Variants in DPP10 observed in about 807,000 individuals in gnomAD.
DPP10 encodes the protein dipeptidyl peptidase like 10.
Under a neutral mutation model 120.9 loss-of-function variants are expected in DPP10, and 33 were observed. The ratio of observed to expected loss-of-function variants is 0.27; its 90% CI spans 0.21 to 0.37. The LOEUF is 0.37. DPP10 is among the 10% of genes least tolerant of loss of function. The pLI is 1.00. For missense variants in DPP10, 816 were observed against 942.8 expected, an observed-to-expected ratio of 0.87 and a Z score of 1.76; for synonymous variants, 337 against 326.1, an observed-to-expected ratio of 1.03 and a Z score of -0.36.
intron 1 of DPP10, among the ~76,000 whole-genome samples, chr2:114,697,337 C>T (rs1700125473): frequency 6.6e-6 from 1 of 152,002 alleles, no homozygotes; most frequent in African/African-American, 2.4e-5. Flanking sequence ...ATGCATCAGA[C>T]AAGGGAAAGT....
chr2:115,065,355 C>T (rs1422838646), intron 1 of DPP10, among the ~76,000 whole-genome samples: 1 of 152,150 alleles, frequency 6.6e-6, no homozygotes, highest in Non-Finnish European at 1.5e-5. Context: ...GGAGTCATGG[C>T]CCATCTGTTC....
intron 1 of DPP10, among the ~76,000 whole-genome samples, chr2:114,662,485 G>C (rs1258988420): frequency 6.6e-6 from 1 of 152,156 alleles, no homozygotes; most frequent in Non-Finnish European, 1.5e-5. Context: ...GCGGGACGCA[G>C]ACAACTTGAA....
chr2:115,475,523 G>A (rs893192545), intron 3 of DPP10, among the ~76,000 whole-genome samples: 4 of 152,218 alleles, frequency 2.6e-5, no homozygotes, highest in Non-Finnish European at 4.4e-5. Flanking sequence ...GGGAACATGT[G>A]GGGTTGGAGT....
intron 1 of DPP10, among the ~76,000 whole-genome samples, chr2:114,693,527 G>C (rs1378253490): frequency 6.6e-6 from 1 of 151,468 alleles, no homozygotes; most frequent in Non-Finnish European, 1.5e-5. Context: ...CTTTCATTTC[G>C]ATTTTGGAGA....
At chr2:115,772,453 C>A (rs1308276631) in intron 13 of DPP10, among the ~76,000 whole-genome samples, 1 of 151,980 alleles carries the variant, frequency 6.6e-6, no homozygotes, top group East Asian at 1.9e-4. Flanking sequence ...TATATGAAAG[C>A]AAAATTTGTG....
intron 1 of DPP10, among the ~76,000 whole-genome samples, chr2:115,257,973 T>C (rs1449462663): frequency 6.6e-6 from 1 of 152,204 alleles, no homozygotes; most frequent in Non-Finnish European, 1.5e-5. Flanking sequence ...AGAATTCCAC[T>C]TGCAATTAAA....
chr2:115,446,912 C>G (rs572615032), intron 3 of DPP10, among the ~76,000 whole-genome samples: 1 of 152,070 alleles, frequency 6.6e-6, no homozygotes, highest in African/African-American at 2.4e-5. Flanking sequence ...TTGAAATGCA[C>G]GAGGTTAGAA....
chr2:114,646,564 C>T (rs768845909), intron 1 of DPP10, among the ~76,000 whole-genome samples: 6 of 152,040 alleles, frequency 3.9e-5, no homozygotes, highest in South Asian at 2.1e-4. Flanking sequence ...ACTCTGTTCT[C>T]GAGATGACAG....
chr2:115,121,232 T>C (rs905554929), intron 1 of DPP10, among the ~76,000 whole-genome samples: 2 of 152,248 alleles, frequency 1.3e-5, no homozygotes, highest in Non-Finnish European at 1.5e-5. Flanking sequence ...TACCTGGTAC[T>C]TATGTAAGAA....
intron 1 of DPP10, among the ~76,000 whole-genome samples, chr2:114,483,034 G>A (rs1681196475): frequency 1.3e-5 from 2 of 152,136 alleles, no homozygotes; most frequent in Admixed American, 6.6e-5. Context: ...GTTAAACAAT[G>A]TTTGGACTCG....
chr2:115,318,181 C>T (rs566365981), intron 2 of DPP10, among the ~76,000 whole-genome samples: 3 of 152,150 alleles, frequency 2.0e-5, no homozygotes, highest in East Asian at 1.9e-4. Flanking sequence ...TCACCCAGCA[C>T]CATTTATTGA....
At chr2:114,541,726 A>G (rs567047135) in intron 1 of DPP10, among the ~76,000 whole-genome samples, 11 of 152,338 alleles carry the variant, frequency 7.2e-5, no homozygotes, top group African/African-American at 2.2e-4. Context: ...TTTTTTTCCT[A>G]TAAAATTATT....
chr2:115,467,556 G>A (rs2074407971), intron 3 of DPP10, among the ~76,000 whole-genome samples: 1 of 151,714 alleles, frequency 6.6e-6, no homozygotes, highest in Non-Finnish European at 1.5e-5. Context: ...CAGCCTAGGT[G>A]CCAAAACGAG....
intron 1 of DPP10, among the ~76,000 whole-genome samples, chr2:115,279,853 G>C (rs1404342449): frequency 6.6e-6 from 1 of 150,842 alleles, no homozygotes; most frequent in Non-Finnish European, 1.5e-5. Context: ...GTAGCGACAG[G>C]GTTTCACCAT....
chr2:114,483,059 C>G (rs1352822427), intron 1 of DPP10, among the ~76,000 whole-genome samples: 1 of 152,084 alleles, frequency 6.6e-6, no homozygotes, highest in African/African-American at 2.4e-5. Flanking sequence ...TCCATTTTCT[C>G]AAGTAGCTGT....
chr2:115,167,205 A>C (rs1367738932), intron 1 of DPP10, among the ~76,000 whole-genome samples: 1 of 151,768 alleles, frequency 6.6e-6, no homozygotes, highest in Non-Finnish European at 1.5e-5. Flanking sequence ...GGTCTGACTC[A>C]TACCAAGTCT....
chr2:115,533,624 T>C (rs879922847), intron 5 of DPP10, among the ~76,000 whole-genome samples: 1 of 152,066 alleles, frequency 6.6e-6, no homozygotes, highest in Non-Finnish European at 1.5e-5. Flanking sequence ...TATTTAAAAA[T>C]TCTGGGGGAG....
intron 2 of DPP10, among the ~76,000 whole-genome samples, chr2:115,330,339 T>G (rs1167293926): frequency 3.9e-5 from 6 of 152,048 alleles, no homozygotes; most frequent in Non-Finnish European, 8.8e-5. Flanking sequence ...TATTAGCCCT[T>G]TGTCAGATGA....
Position 115,005,793 on chromosome 2 carries a change from G to T in DPP10, c.61-303446G>T, listed in dbSNP as rs1418096719. Reference sequence around the variant, plus strand: ...ATGGAACCAAGTTGGAAAACACTCTGCAGGATATTATCCAGGAGAATTTCC... The same window carrying T: ...ATGGAACCAAGTTGGAAAACACTCTTCAGGATATTATCCAGGAGAATTTCC... On this transcript the variant is annotated intron_variant, in intron 1 of 25. Transcript: ENST00000410059. Among the ~76,000 whole-genome samples, 4 of 152,254 alleles carry T rather than the reference G, an allele frequency of 2.6e-5. No homozygotes were observed. In the East Asian group the frequency reaches 7.7e-4, roughly 29 times the overall value.
Sources: gnomAD v4.1 joint callset for allele counts (sites outside exome capture counted in the v4.1 genomes callset) on GRCh38, gnomAD v4.1.1 for gene constraint, MANE v1.5 for transcripts, NCBI Gene and HGNC (gene_info 2026-07-23, HGNC 2026-07-21) for gene names.